PRKN: variants seen among roughly 807,000 people sequenced by gnomAD.
PRKN encodes the protein parkin RBR E3 ubiquitin protein ligase.
In PRKN, 56 loss-of-function variants were observed where a neutral mutation model predicts 59.5. The observed-to-expected ratio is 0.94, with a 90% CI of 0.76 to 1.18. PRKN has a LOEUF of 1.18. Ranked by LOEUF, PRKN falls within the 50% of genes most tolerant of loss-of-function variation. PRKN has a pLI of 0.00. For missense variants in PRKN, 657 were observed against 596.4 expected (o/e 1.10, Z -1.06); for synonymous variants, 250 against 222.1 (o/e 1.13, Z -1.12).
Position 161,391,943 on chromosome 6 carries a change from G to A in PRKN, c.1084-5066C>T, listed in dbSNP as rs1384571507. Among the ~76,000 whole-genome samples, 10 of 151,722 alleles carry A rather than the reference G, an allele frequency of 6.6e-5. No individual in the cohort carries two copies. Among genetic ancestry groups the A allele is most frequent in the Non-Finnish European group, 1.5e-4 (10 of 67,964 alleles). On this transcript the variant is annotated intron_variant, in intron 9 of 11. Coordinates refer to ENST00000366898, the MANE Select transcript of PRKN (RefSeq NM_004562.3). The surrounding 1 kb of genome is among the most constrained non-coding windows in gnomAD (Gnocchi z 4.9). ...CCAGTAAATCTCTCCATATATCTGT[G>A]TATACACAGATATATAGATACAATG...
intron 7 of PRKN, among the ~76,000 whole-genome samples, chr6:161,609,322 T>A (rs1278278040): frequency 6.6e-6 from 1 of 152,234 alleles, no homozygotes; most frequent in Non-Finnish European, 1.5e-5. Flanking sequence ...GTATTAAATA[T>A]AAGTCTGAGA....
rs746195886 is a variant in PRKN, at chr6:162,163,517, CAG to C, written c.534+37612_534+37613del. ...GCTTGTAGCCCGAGGAGAACAGAAACAGGGGAAAAACAGGTAATGCTTTCCAG... is the reference window on the plus strand; with the variant it reads ...GCTTGTAGCCCGAGGAGAACAGAAACGGGAAAAACAGGTAATGCTTTCCAG... On this transcript the variant is annotated intron_variant, in intron 4 of 11. Transcript: ENST00000366898. 1.1e-4 allele frequency among the ~76,000 whole-genome samples: 16 copies of C among 149,280 alleles called. 1 individual carries two copies. Among genetic ancestry groups the C allele is most frequent in the Admixed American group, 2.7e-4 (4 of 14,994 alleles).
chr6:162,162,331 C>A (rs1274736620), intron 4 of PRKN, among the ~76,000 whole-genome samples: 4 of 152,042 alleles, frequency 2.6e-5, no homozygotes, highest in Admixed American at 6.6e-5. Context: ...GAAGGATATG[C>A]GTAGGTTATG....
chr6:162,171,145 C>A (rs1220835727), intron 4 of PRKN, among the ~76,000 whole-genome samples: 4 of 151,908 alleles, frequency 2.6e-5, no homozygotes, highest in Non-Finnish European at 5.9e-5. Context: ...GGTAAATACA[C>A]AGGCAGGAAC....
intron 7 of PRKN, among the ~76,000 whole-genome samples, chr6:161,614,210 G>A (rs12206300): frequency 2.4e-3 from 371 of 152,224 alleles, no homozygotes; most frequent in Non-Finnish European, 4.2e-3. Context: ...CCCTATTTGA[G>A]GTCTGTGACC....
In PRKN at chr6:161,396,636, A is replaced by C. The variant is rs1786771962; in HGVS notation, c.1084-9759T>G. ...ACTGGTCCCTAATCCTCGTGACCTT[A>C]TCATTTACAATCTGCAGCAAGGCAC... is the stretch of plus-strand genomic sequence containing the variant. On this transcript the variant is annotated intron_variant, in intron 9 of 11. Coordinates refer to ENST00000366898, the MANE Select transcript of PRKN (RefSeq NM_004562.3). This position sits in a 1 kb window ranked among gnomAD's most constrained non-coding sequence, Gnocchi z 5.4. 6.6e-6 allele frequency among the ~76,000 whole-genome samples: 1 copy of C among 152,202 alleles called. No homozygotes were observed. Among genetic ancestry groups the C allele is most frequent in the African/African-American group, 2.4e-5 (1 of 41,422 alleles).
At chr6:162,158,002 A>AT (rs146017325) in intron 4 of PRKN, among the ~76,000 whole-genome samples, 2,236 of 152,064 alleles carry the variant, frequency 0.015, 82 homozygotes, top group African/African-American at 0.05. Flanking sequence ...CTTTGAGATT[A>AT]TTTTTTTGCT....
At chr6:162,553,558 C>CA (rs1779417936) in intron 1 of PRKN, among the ~76,000 whole-genome samples, 3 of 62,534 alleles carry the variant, frequency 4.8e-5, no homozygotes, top group Non-Finnish European at 7.4e-5. Flanking sequence ...AAAAAAAAAA[C>CA]ACCCTAAAGC....
chr6:162,274,201 A>T (rs1009186077), intron 2 of PRKN, among the ~76,000 whole-genome samples: 1 of 150,822 alleles, frequency 6.6e-6, no homozygotes, highest in African/African-American at 2.5e-5. Flanking sequence ...TTATTTATTT[A>T]TTTTGTGAGA....
At chr6:161,430,077 T>C (rs1174854270) in intron 9 of PRKN, among the ~76,000 whole-genome samples, 1 of 152,090 alleles carries the variant, frequency 6.6e-6, no homozygotes, top group Non-Finnish European at 1.5e-5. Flanking sequence ...GCATTACAGG[T>C]GTGAGGACCC....
chr6:162,423,832 G>A (rs1789095787), intron 2 of PRKN, among the ~76,000 whole-genome samples: 1 of 152,044 alleles, frequency 6.6e-6, no homozygotes, highest in African/African-American at 2.4e-5. Flanking sequence ...CTACCCACTG[G>A]ATAAAAATAA....
intron 5 of PRKN, among the ~76,000 whole-genome samples, chr6:162,028,843 C>T (rs999738692): frequency 3.3e-5 from 5 of 152,150 alleles, no homozygotes; most frequent in African/African-American, 1.2e-4. Flanking sequence ...CAGTGGACAT[C>T]GCCCAGGAGG....
intron 6 of PRKN, among the ~76,000 whole-genome samples, chr6:161,946,537 T>C (rs1779790757): frequency 1.3e-5 from 2 of 151,832 alleles, no homozygotes; most frequent in Admixed American, 1.3e-4. Flanking sequence ...GTGACACTGA[T>C]AAAACATTCA....
At chr6:161,796,377 C>T (rs1790850401) in intron 6 of PRKN, among the ~76,000 whole-genome samples, 1 of 152,098 alleles carries the variant, frequency 6.6e-6, no homozygotes, top group African/African-American at 2.4e-5. Context: ...AAGTTAAAAG[C>T]AAAGATGTCA....
chr6:161,780,497 CTT>C (rs972713501), intron 7 of PRKN, among the ~76,000 whole-genome samples: 1 of 152,166 alleles, frequency 6.6e-6, no homozygotes, highest in Non-Finnish European at 1.5e-5. Flanking sequence ...GGAGCCCTCT[CTT>C]GTCAGTCACC....
intron 9 of PRKN, among the ~76,000 whole-genome samples, chr6:161,434,833 A>T (rs897487611): frequency 6.6e-6 from 1 of 152,136 alleles, no homozygotes; most frequent in Admixed American, 6.5e-5. Context: ...TTCTTTCTGT[A>T]ATATATTCAT....
At chr6:162,402,280 T>C (rs1787834976) in intron 2 of PRKN, among the ~76,000 whole-genome samples, 1 of 151,026 alleles carries the variant, frequency 6.6e-6, no homozygotes, top group Non-Finnish European at 1.5e-5. Context: ...CAAACCATAG[T>C]GTCATTCCGA....
intron 4 of PRKN, among the ~76,000 whole-genome samples, chr6:162,127,567 A>G (rs1248979784): frequency 6.6e-6 from 1 of 152,250 alleles, no homozygotes; most frequent in Non-Finnish European, 1.5e-5. Context: ...ATAGCCATAG[A>G]AAGAGTTGCG....
rs1777915369 is a variant in PRKN, at chr6:162,694,951, T to C, written c.7+32711A>G. ...CACAATAATTATGTGAATCAAGTTC[T>C]AGTCGACTTTGTCAGTATGCTTTTC... On this transcript the variant is annotated intron_variant, in intron 1 of 11. Coordinates refer to ENST00000366898, the MANE Select transcript of PRKN (RefSeq NM_004562.3). 3.3e-5 allele frequency: 5 copies of C among 152,196 alleles called. 1 individual carries two copies. In the South Asian group the frequency reaches 1.0e-3, roughly 31 times the overall value. The allele number at this position is 152,196 out of a possible 1,614,324, so 9.4% of individuals were successfully genotyped here. A position where few individuals can be genotyped will look rare whatever the true frequency, so the allele number is the denominator to read the frequency against.
Sources: gnomAD v4.1 joint callset for allele counts (sites outside exome capture counted in the v4.1 genomes callset) on GRCh38, gnomAD v4.1.1 for gene constraint, Gnocchi (gnomAD v3.1) non-coding constraint, MANE v1.5 for transcripts, NCBI Gene and HGNC (gene_info 2026-07-23, HGNC 2026-07-21) for gene names.